PARD3: variants seen among roughly 807,000 people sequenced by gnomAD.
PARD3 encodes par-3 family cell polarity regulator.
PARD3 carries 75 observed loss-of-function variants against 155.4 expected under a neutral mutation model. The observed-to-expected ratio is 0.48, with a 90% CI of 0.40 to 0.58. PARD3 has a LOEUF of 0.58. Ranked by LOEUF, PARD3 falls within the 20% of genes least tolerant of loss-of-function variation. PARD3 has a pLI of 0.00. For missense variants in PARD3, 1,642 were observed against 1,721.7 expected, an observed-to-expected ratio of 0.95 and a Z score of 0.82; for synonymous variants, 576 against 610.5, an observed-to-expected ratio of 0.94 and a Z score of 0.83.
intron 22 of PARD3, among the ~76,000 whole-genome samples, chr10:34,200,404 G>C (rs1951157026): frequency 6.6e-6 from 1 of 152,132 alleles, no homozygotes; most frequent in South Asian, 2.1e-4. Context: ...CTGCCCAATG[G>C]AACTTTTGCC....
Position 34,268,769 on chromosome 10 carries a change from G to A in PARD3, c.3419+888C>T, listed in dbSNP as rs185735415. ...CAGGAAGGGGAACATCACACACCGGGGCCTGTCATGGGATGGGGGGAGGGG... is the reference window on the plus strand; with the variant it reads ...CAGGAAGGGGAACATCACACACCGGAGCCTGTCATGGGATGGGGGGAGGGG... On this transcript the variant is annotated intron_variant, in intron 22 of 24. Transcript: ENST00000374788. Among the ~76,000 whole-genome samples, 274 of 152,138 alleles carry A rather than the reference G, an allele frequency of 1.8e-3. 1 individual carries two copies. The highest frequency in any genetic ancestry group is 6.2e-3 in the African/African-American group (256 of 41,458).
chr10:34,328,447 A>T (rs1835274203), intron 19 of PARD3, among the ~76,000 whole-genome samples: 1 of 152,170 alleles, frequency 6.6e-6, no homozygotes, highest in African/African-American at 2.4e-5. Flanking sequence ...AAACCATCTA[A>T]GCCAGAACTT....
At chr10:34,121,810 G>T (rs1025430247) in intron 23 of PARD3, among the ~76,000 whole-genome samples, 2 of 152,186 alleles carry the variant, frequency 1.3e-5, no homozygotes. Flanking sequence ...TCTACTAGGG[G>T]CTTTATAACC....
rs140565369 is a variant in PARD3 at position 34,304,615 on chromosome 10, C to T, written c.3065+12492G>A. ...GTGCAGGAGAGTGTTAGGAACACGG[C>T]CTTTGAGGTTGACCATTGTTCAAAT... On this transcript the variant is annotated intron_variant, in intron 20 of 24. Transcript: ENST00000374788. Among the ~76,000 whole-genome samples the T allele has an allele frequency of 5.0e-3, 755 of 152,226 alleles. 3 individuals are homozygous for T. Among genetic ancestry groups the T allele is most frequent in the Non-Finnish European group, 8.9e-3 (602 of 68,020 alleles).
chr10:34,460,195 T>C (rs543249538), intron 4 of PARD3, among the ~76,000 whole-genome samples: 1 of 152,252 alleles, frequency 6.6e-6, no homozygotes, highest in Non-Finnish European at 1.5e-5. Context: ...AAAAGGATAT[T>C]AATATTCAAG....
At chr10:34,421,053 T>C (rs747824533) in intron 5 of PARD3, among the ~76,000 whole-genome samples, 13 of 152,154 alleles carry the variant, frequency 8.5e-5, no homozygotes, top group Non-Finnish European at 1.8e-4. Flanking sequence ...TGTGCACCCA[T>C]GGTTCCAGCT....
intron 2 of PARD3, among the ~76,000 whole-genome samples, chr10:34,569,940 G>C (rs577363574): frequency 6.8e-6 from 1 of 147,110 alleles, no homozygotes; most frequent in Admixed American, 6.8e-5. Flanking sequence ...TTCTCATTTT[G>C]TTATTAAAAG....
At chr10:34,757,427 G>A (rs1029220775) in intron 1 of PARD3, among the ~76,000 whole-genome samples, 2 of 152,194 alleles carry the variant, frequency 1.3e-5, no homozygotes, top group Admixed American at 6.5e-5. Flanking sequence ...TGTCCTGGCC[G>A]GGTGCGGTGG....
chr10:34,350,082 T>C (rs1369887654), intron 14 of PARD3, among the ~76,000 whole-genome samples: 2 of 152,224 alleles, frequency 1.3e-5, no homozygotes, highest in Non-Finnish European at 1.5e-5. Context: ...AAGACATCAA[T>C]AGTTGACTAC....
At chr10:34,324,983 G>A (rs372162923) in intron 19 of PARD3, among the ~76,000 whole-genome samples, 49 of 152,184 alleles carry the variant, frequency 3.2e-4, no homozygotes, top group African/African-American at 1.1e-3. Flanking sequence ...TGAAATGCAA[G>A]TAATTTAAAA....
intron 2 of PARD3, among the ~76,000 whole-genome samples, chr10:34,646,828 C>T (rs538279001): frequency 1.3e-5 from 2 of 152,284 alleles, no homozygotes; most frequent in African/African-American, 4.8e-5. Context: ...AGGTATATGC[C>T]ACCACCTTCA....
intron 22 of PARD3, among the ~76,000 whole-genome samples, chr10:34,209,702 T>C (rs752095328): frequency 1.3e-5 from 2 of 152,188 alleles, no homozygotes; most frequent in Non-Finnish European, 2.9e-5. Flanking sequence ...CTGTGTACTG[T>C]AATGTGGTTT....
intron 22 of PARD3, among the ~76,000 whole-genome samples, chr10:34,148,050 C>A (rs1040058949): frequency 6.6e-6 from 1 of 151,878 alleles, no homozygotes; most frequent in South Asian, 2.1e-4. Context: ...GGAAACTAAG[C>A]CAAGACCAAA....
chr10:34,504,971 T>A (rs2080964648), intron 3 of PARD3, among the ~76,000 whole-genome samples: 1 of 152,132 alleles, frequency 6.6e-6, no homozygotes, highest in African/African-American at 2.4e-5. Flanking sequence ...ACAATATGGG[T>A]CTCTGTGTGA....
intron 7 of PARD3, among the ~76,000 whole-genome samples, chr10:34,396,771 T>C (rs915563185): frequency 4.6e-5 from 7 of 152,140 alleles, no homozygotes; most frequent in Admixed American, 2.0e-4. Context: ...ACTAGATATA[T>C]GTGCAATTTC....
chr10:34,559,680 A>G (rs2085304941), intron 2 of PARD3, among the ~76,000 whole-genome samples: 1 of 152,202 alleles, frequency 6.6e-6, no homozygotes, highest in South Asian at 2.1e-4. Context: ...TCCATAAATC[A>G]TTATTCCAGA....
At chr10:34,223,022 T>C (rs1037228273) in intron 22 of PARD3, among the ~76,000 whole-genome samples, 5 of 152,162 alleles carry the variant, frequency 3.3e-5, no homozygotes, top group South Asian at 2.1e-4. Flanking sequence ...AGTCATCTCA[T>C]TGGGAACTCA....
chr10:34,742,631 T>A (rs1564569723), intron 1 of PARD3, among the ~76,000 whole-genome samples: 1 of 152,160 alleles, frequency 6.6e-6, no homozygotes, highest in Non-Finnish European at 1.5e-5. Flanking sequence ...ATGAATCACA[T>A]CCCAACCAAC....
intron 23 of PARD3, among the ~76,000 whole-genome samples, chr10:34,128,822 T>C (rs1947433452): frequency 6.6e-6 from 1 of 152,168 alleles, no homozygotes; most frequent in South Asian, 2.1e-4. Flanking sequence ...CGTCTAGACT[T>C]TAGAACAGTG....
Sources: gnomAD v4.1 joint callset for allele counts (sites outside exome capture counted in the v4.1 genomes callset) on GRCh38, gnomAD v4.1.1 for gene constraint, MANE v1.5 for transcripts, NCBI Gene and HGNC (gene_info 2026-07-23, HGNC 2026-07-21) for gene names.